The following ARHGEF11 variants were observed in gnomAD, a reference collection of about 807,000 sequenced individuals.
The protein encoded by ARHGEF11 is Rho guanine nucleotide exchange factor 11, also known as Rho guanine exchange factor (GEF) 11.
A neutral mutation model predicts 193.7 loss-of-function variants in ARHGEF11; 55 were observed. That is an observed-to-expected ratio of 0.28 (90% CI 0.23 to 0.36). ARHGEF11 has a LOEUF of 0.36. ARHGEF11 is among the 10% of genes least tolerant of loss of function. ARHGEF11 has a pLI of 1.00. For synonymous variants in ARHGEF11, 693 were observed against 768.0 expected, an observed-to-expected ratio of 0.90 and a Z score of 1.62; for missense variants, 1,723 against 2,005.6, an observed-to-expected ratio of 0.86 and a Z score of 2.69.
At chr1:157,039,631 CA>C (rs1269596270) in intron 1 of ARHGEF11, among the ~76,000 whole-genome samples, 3 of 151,972 alleles carry the variant, frequency 2.0e-5, no homozygotes, top group Non-Finnish European at 4.4e-5. Flanking sequence ...TAGTGATTGA[CA>C]AAAGAAGGAA....
intron 1 of ARHGEF11, among the ~76,000 whole-genome samples, chr1:157,029,088 G>T (rs1240680988): frequency 1.3e-5 from 2 of 151,248 alleles, no homozygotes; most frequent in Admixed American, 1.3e-4. Flanking sequence ...GGTCACCTGA[G>T]CTGGGGAGGT....
chr1:156,995,058 T>G (rs1413346246), intron 1 of ARHGEF11, among the ~76,000 whole-genome samples: 3 of 152,216 alleles, frequency 2.0e-5, no homozygotes, highest in African/African-American at 7.2e-5. Context: ...CCTACTGATA[T>G]GACCTCCTAA....
chr1:156,974,355 A>G (rs1662960638), intron 7 of ARHGEF11, among the ~76,000 whole-genome samples: 1 of 152,168 alleles, frequency 6.6e-6, no homozygotes, highest in Non-Finnish European at 1.5e-5. Context: ...GGCATGAGCT[A>G]CCACTCCTGG....
At position 156,945,052 on chromosome 1, in the gene ARHGEF11, C is replaced by T. The variant is rs1571176269; in HGVS notation, c.2958G>A (p.Glu986=). ...CTGCTGCCAGGGGGTTGCTGGCCCT[C>T]TCCAGGGCGGTGGCATCCAGGCGTT... The part of the protein sequence containing the change: ...YQKRLDATAL[E]RASNPLAAEF... Residue 986 remains glutamate, a synonymous_variant, in exon 30 of 41, where the codon GAG becomes GAA. Transcript: ENST00000368194. The T allele has an allele frequency of 1.9e-6, 3 of 1,614,166 alleles. No homozygotes were observed. The highest frequency in any genetic ancestry group is 2.5e-6 in the Non-Finnish European group (3 of 1,180,024).
At chr1:157,013,839 C>T (rs1360633005) in intron 1 of ARHGEF11, among the ~76,000 whole-genome samples, 1 of 152,240 alleles carries the variant, frequency 6.6e-6, no homozygotes, top group Non-Finnish European at 1.5e-5. Context: ...TATCAACGTC[C>T]TCTCAGCTTC....
Position 156,967,870 on chromosome 1 carries a change from G to C in ARHGEF11, c.963+117C>G, listed in dbSNP as rs1277952654. ...TATGTAAGTGACTGTCTCAAAGTTT[G>C]GGTTGCTGAAGCAGGGGTTTAGTCT... On this transcript the variant is annotated intron_variant, in intron 11 of 40. Coordinates refer to ENST00000368194, the MANE Select transcript of ARHGEF11 (RefSeq NM_198236.3). 5 of 1,385,680 alleles carry C rather than the reference G, an allele frequency of 3.6e-6. No homozygotes were observed. The Admixed American group carries it at 5.4e-5, about 15-fold the overall frequency. 85.8% of individuals were successfully genotyped at this position (1,385,680 alleles called of 1,614,324 possible).
At chr1:157,035,530 C>A (rs538568639) in intron 1 of ARHGEF11, among the ~76,000 whole-genome samples, 81 of 151,914 alleles carry the variant, frequency 5.3e-4, no homozygotes, top group Admixed American at 3.3e-3. Context: ...CTCAGCCTCC[C>A]GAGTAGCTGG....
chr1:157,004,458 AG>A (rs1667577132), intron 1 of ARHGEF11, among the ~76,000 whole-genome samples: 1 of 152,192 alleles, frequency 6.6e-6, no homozygotes, highest in Admixed American at 6.5e-5. Flanking sequence ...AGCTCAAGGC[AG>A]GGAGTAATTA....
At chr1:156,957,464 C>T (rs572089091) in intron 18 of ARHGEF11, among the ~76,000 whole-genome samples, 10 of 152,124 alleles carry the variant, frequency 6.6e-5, no homozygotes, top group East Asian at 5.8e-4. Flanking sequence ...AAGGGAAAGA[C>T]GTGAGAAGAG....
At chr1:156,947,644 G>T in intron 25 of ARHGEF11, 125 bp downstream of exon 25, 1 of 1,373,024 alleles carries the variant, frequency 7.3e-7, no homozygotes, top group Non-Finnish European at 9.8e-7. Flanking sequence ...CAGGCAATGT[G>T]GACCTGCTCC....
Position 156,958,830 on chromosome 1 carries a change from C to T in ARHGEF11, c.1414G>A (p.Gly472Ser), listed in dbSNP as rs1344766595. ...KRTLGLGSLY[G>S]ENDLLDLDGD... ...TCCAGGTCCAGCAGGTCATTTTCAC[C>T]ATACAGGCTGCCCAGCCCCAGTGTG... The change falls in exon 17 of 41, where the codon GGT (glycine) becomes AGT (serine). Residue 472 changes from glycine (G) to serine (S), a missense_variant. Transcript: ENST00000368194. The T allele has an allele frequency of 6.2e-7, 1 of 1,614,212 alleles. No homozygotes were observed. The highest frequency in any genetic ancestry group is 1.7e-5 in the Admixed American group (1 of 60,026).
chr1:156,948,633 G>C lies in ARHGEF11; in HGVS notation c.1926-135C>G. 1.3e-6 allele frequency: 2 copies of C among 1,577,186 alleles called. No homozygotes were observed. The highest frequency in any genetic ancestry group is 1.7e-6 in the Non-Finnish European group (2 of 1,165,542). On this transcript the variant is annotated intron_variant, in intron 22 of 40. Transcript: ENST00000368194. The surrounding 1 kb of genome is among the most constrained non-coding windows in gnomAD (Gnocchi z 4.2). ...GGTTCTCCTCCTGAACATGGCCAAAGCAGCTGGATGGCAGTGGAAGCTTCT... is the reference window on the plus strand; with the variant it reads ...GGTTCTCCTCCTGAACATGGCCAAACCAGCTGGATGGCAGTGGAAGCTTCT...
chr1:157,036,307 A>G (rs1374344658), intron 1 of ARHGEF11, among the ~76,000 whole-genome samples: 14 of 149,174 alleles, frequency 9.4e-5, no homozygotes, highest in African/African-American at 3.0e-4. Context: ...CTGACTACTC[A>G]CTTTTTTTTG....
At chr1:156,938,992 G>A in intron 37 of ARHGEF11, 1 of 184,932 alleles carries the variant, frequency 5.4e-6, no homozygotes, top group Non-Finnish European at 1.1e-5. Flanking sequence ...CGTCCATGGT[G>A]TTTCCCAACC....
At chr1:156,938,608 G>A in intron 37 of ARHGEF11, 95 bp from the exon 38 acceptor site, 1 of 1,176,152 alleles carries the variant, frequency 8.5e-7, no homozygotes, top group Non-Finnish European at 1.2e-6. Context: ...CAGGAGGTGG[G>A]GACAGGGGGA....
chr1:156,980,842 G>C (rs1162239235), intron 3 of ARHGEF11, among the ~76,000 whole-genome samples: 1 of 121,422 alleles, frequency 8.2e-6, no homozygotes, highest in Non-Finnish European at 1.7e-5. Flanking sequence ...CCGGGGGGGG[G>C]GGGGGAAATG....
At chr1:156,979,155 ACCTTTCCTCCCT>A (rs1206952697) in intron 5 of ARHGEF11, 62 bp downstream of exon 5, 31 of 1,433,060 alleles carry the variant, frequency 2.2e-5, no homozygotes, top group East Asian at 2.1e-4. Flanking sequence ...GCCAGGCCTG[ACCTTTCCTCCCT>A]CCTTTCCTCC....
In ARHGEF11 at chr1:157,006,998, C is replaced by T. The variant is rs1342247980; in HGVS notation, c.33-20825G>A. Among the ~76,000 whole-genome samples, 4 of 152,130 alleles carry T rather than the reference C, an allele frequency of 2.6e-5. No homozygotes were observed. The East Asian group carries it at 7.7e-4, about 29-fold the overall frequency. On this transcript the variant is annotated intron_variant, in intron 1 of 40. Coordinates refer to ENST00000368194, the MANE Select transcript of ARHGEF11 (RefSeq NM_198236.3). ...TCTCTCCCCTCAAGGGTTCTGCATG[C>T]TCAGGCAGCACAGAGTTAGGGGGAG...
chr1:156,942,648 A>T lies in ARHGEF11; in HGVS notation c.3326+42T>A, dbSNP rs1329276728. ...TCCTCATAAACACCACCCTGGTCCG[A>T]AAGGGACCACAGTTACGGGTAACCC... On this transcript the variant is annotated intron_variant, in intron 33 of 40. Transcript: ENST00000368194. The T allele has an allele frequency of 1.9e-6, 3 of 1,575,822 alleles. No homozygotes were observed. The African/African-American group carries it at 4.0e-5, about 21-fold the overall frequency.
Sources: allele counts gnomAD v4.1 joint callset (sites outside exome capture counted in the v4.1 genomes callset), GRCh38; gene constraint gnomAD v4.1.1; non-coding constraint Gnocchi (gnomAD v3.1); transcripts MANE v1.5; gene names NCBI Gene and HGNC (gene_info 2026-07-23, HGNC 2026-07-21).